The following TJP1 variants were observed in gnomAD, a reference collection of about 807,000 sequenced individuals.
The protein encoded by TJP1 is tight junction protein 1, also known as tight junction protein ZO-1.
In TJP1, 43 loss-of-function variants were observed where a neutral mutation model predicts 194.2. That is an observed-to-expected ratio of 0.22 (90% CI 0.17 to 0.29). The LOEUF is 0.29. Among genes scored for constraint, TJP1 ranks in the 10% least tolerant of loss-of-function variants. The pLI is 1.00. For missense variants in TJP1, 1,971 were observed against 2,185.7 expected (o/e 0.90, Z 1.96); for synonymous variants, 801 against 779.0 (o/e 1.03, Z -0.47).
intron 1 of TJP1, chr15:29,968,365 G>A (rs917313870): frequency 1.3e-5 from 13 of 985,268 alleles, no homozygotes; most frequent in Non-Finnish European, 4.8e-6. Flanking sequence ...AGAGGCGGGA[G>A]GCCGACGCCC....
At chr15:29,812,363 G>A (rs1461015295) in intron 1 of TJP1, among the ~76,000 whole-genome samples, 2 of 152,192 alleles carry the variant, frequency 1.3e-5, no homozygotes, top group African/African-American at 2.4e-5. Context: ...AAAAAACTAA[G>A]TCAACTAGCA....
chr15:29,951,530 T>TA (rs2055752662), intron 2 of TJP1, among the ~76,000 whole-genome samples: 1 of 152,042 alleles, frequency 6.6e-6, no homozygotes, highest in South Asian at 2.1e-4. Flanking sequence ...TCACTGCTAT[T>TA]AAAAAAACAA....
intron 2 of TJP1, among the ~76,000 whole-genome samples, chr15:29,787,617 T>C (rs145825035): frequency 6.3e-4 from 96 of 152,368 alleles, no homozygotes; most frequent in African/African-American, 2.2e-3. Flanking sequence ...CTTTTATGAC[T>C]GGCATCTTTC....
At chr15:29,770,949 A>C (rs1055260387) in intron 4 of TJP1, among the ~76,000 whole-genome samples, 4 of 152,204 alleles carry the variant, frequency 2.6e-5, no homozygotes. Flanking sequence ...AGTAGTGTAC[A>C]GTAATGTCCT....
chr15:29,906,030 G>A (rs2053796925), intron 2 of TJP1, among the ~76,000 whole-genome samples: 1 of 152,164 alleles, frequency 6.6e-6, no homozygotes, highest in Non-Finnish European at 1.5e-5. Context: ...ATAATGATGT[G>A]TCAATGTAGG....
intron 2 of TJP1, among the ~76,000 whole-genome samples, chr15:29,785,672 T>C (rs79207238): frequency 3.2e-4 from 49 of 152,362 alleles, no homozygotes; most frequent in Middle Eastern, 6.8e-3. Flanking sequence ...CCGCTAATTA[T>C]AACTTTCCTC....
intron 2 of TJP1, among the ~76,000 whole-genome samples, chr15:29,892,874 T>C (rs1384418599): frequency 6.6e-6 from 1 of 152,222 alleles, no homozygotes; most frequent in Non-Finnish European, 1.5e-5. Flanking sequence ...ATAATATCCA[T>C]GTGCAGCCCA....
chr15:29,749,874 G>A (rs186229491), intron 8 of TJP1, among the ~76,000 whole-genome samples: 15 of 152,236 alleles, frequency 9.9e-5, no homozygotes, highest in East Asian at 3.9e-4. Context: ...ACGGAGTCAC[G>A]CTCTGTCACC....
intron 2 of TJP1, among the ~76,000 whole-genome samples, chr15:29,937,308 T>C (rs2054917585): frequency 6.6e-6 from 1 of 152,238 alleles, no homozygotes; most frequent in African/African-American, 2.4e-5. Context: ...TCCCCAGGCT[T>C]ACAAATGTAT....
In TJP1 at chr15:29,818,010, T is replaced by TA. The variant is rs879780459; in HGVS notation, c.27+3991dup. ...CTGCACATGGATCCCAGAACTTAAT[T>TA]AAAAAAAAAAAAGCCCACTGTGCTC... On this transcript the variant is annotated intron_variant, in intron 1 of 27. Transcript: ENST00000614355. 4.9e-3 allele frequency among the ~76,000 whole-genome samples: 692 copies of TA among 141,060 alleles called. 7 individuals are homozygous for TA. Among genetic ancestry groups the TA allele is most frequent in the African/African-American group, 0.016 (604 of 38,506 alleles). 92.5% of individuals were successfully genotyped at this position (141,060 alleles called of 152,430 possible).
intron 18 of TJP1, among the ~76,000 whole-genome samples, chr15:29,724,790 G>A (rs143904563): frequency 1.3e-5 from 2 of 152,200 alleles, no homozygotes; most frequent in African/African-American, 4.8e-5. Context: ...CTTACAAAAT[G>A]CATCAGTCTA....
chr15:29,885,384 G>T (rs1221616656), intron 2 of TJP1, among the ~76,000 whole-genome samples: 2 of 152,316 alleles, frequency 1.3e-5, no homozygotes, highest in Non-Finnish European at 2.9e-5. Flanking sequence ...GTATCTGGGA[G>T]AGGAAAGGGA....
At chr15:29,710,369 GA>G (rs2042166527) in intron 24 of TJP1, among the ~76,000 whole-genome samples, 1 of 152,204 alleles carries the variant, frequency 6.6e-6, no homozygotes, top group Admixed American at 6.5e-5. Flanking sequence ...CACAGCAGAA[GA>G]GATAACCACT....
chr15:29,844,725 A>G (rs760764569), intron 2 of TJP1, among the ~76,000 whole-genome samples: 1 of 152,222 alleles, frequency 6.6e-6, no homozygotes, highest in East Asian at 1.9e-4. Context: ...TATGTGAGTC[A>G]TGTATTACAT....
intron 2 of TJP1, among the ~76,000 whole-genome samples, chr15:29,778,348 G>A (rs2047147779): frequency 6.6e-6 from 1 of 151,552 alleles, no homozygotes. Context: ...AAAAAAAATA[G>A]CCCCCAGGTG....
intron 2 of TJP1, among the ~76,000 whole-genome samples, chr15:29,862,521 T>C (rs1473385332): frequency 6.6e-6 from 1 of 151,950 alleles, no homozygotes; most frequent in Non-Finnish European, 1.5e-5. Flanking sequence ...GAAGTGTACA[T>C]GTGGCAAGAT....
At chr15:29,709,608 G>A (rs1344380924) in intron 24 of TJP1, among the ~76,000 whole-genome samples, 1 of 152,170 alleles carries the variant, frequency 6.6e-6, no homozygotes, top group Non-Finnish European at 1.5e-5. Flanking sequence ...CACAGTACGA[G>A]AAGAAAAATC....
At chr15:29,705,792 G>A (rs372267770) in intron 25 of TJP1, 47 bp from the exon 26 acceptor site, 27 of 1,556,340 alleles carry the variant, frequency 1.7e-5, no homozygotes, top group Admixed American at 6.7e-5. Flanking sequence ...ATAATACACA[G>A]GTGCTTTGCT....
At chr15:29,933,633 A>G (rs1005785180) in intron 2 of TJP1, among the ~76,000 whole-genome samples, 2 of 152,178 alleles carry the variant, frequency 1.3e-5, no homozygotes, top group African/African-American at 4.8e-5. Flanking sequence ...GCATATTTAC[A>G]CCACACAGTC....
Sources: allele counts gnomAD v4.1 joint callset (sites outside exome capture counted in the v4.1 genomes callset), GRCh38; gene constraint gnomAD v4.1.1; transcripts MANE v1.5; gene names NCBI Gene and HGNC (gene_info 2026-07-23, HGNC 2026-07-21).